MTHFD1L: variants seen among roughly 807,000 people sequenced by gnomAD.
MTHFD1L encodes monofunctional C1-tetrahydrofolate synthase, mitochondrial.
Under a neutral mutation model 119.5 loss-of-function variants are expected in MTHFD1L, and 81 were observed. The ratio of observed to expected loss-of-function variants is 0.68; its 90% CI spans 0.57 to 0.82. The LOEUF (loss-of-function observed/expected upper bound fraction) is 0.82. Among genes scored for constraint, MTHFD1L ranks in the 40% least tolerant of loss-of-function variants. The pLI, the probability that MTHFD1L is intolerant of heterozygous loss-of-function variation, is 0.00. For synonymous variants in MTHFD1L, 430 were observed against 475.2 expected, an observed-to-expected ratio of 0.90 and a Z score of 1.24; for missense variants, 1,125 against 1,253.4, an observed-to-expected ratio of 0.90 and a Z score of 1.55.
intron 7 of MTHFD1L, among the ~76,000 whole-genome samples, chr6:150,889,530 C>T (rs753739279): frequency 6.6e-6 from 1 of 152,196 alleles, no homozygotes; most frequent in Non-Finnish European, 1.5e-5. Context: ...ATATTTACAA[C>T]AAACATTTAG....
chr6:150,892,531 G>A (rs1053377181), intron 7 of MTHFD1L, among the ~76,000 whole-genome samples: 1 of 152,084 alleles, frequency 6.6e-6, no homozygotes, highest in African/African-American at 2.4e-5. Flanking sequence ...GCACCATTGC[G>A]AATGTTAGAG....
intron 4 of MTHFD1L, among the ~76,000 whole-genome samples, chr6:150,879,965 T>C (rs1304620205): frequency 6.6e-6 from 1 of 152,126 alleles, no homozygotes; most frequent in African/African-American, 2.4e-5. Flanking sequence ...TTTTCGTCGT[T>C]GTTGTTTATA....
At chr6:150,914,470 C>A (rs977363212) in intron 8 of MTHFD1L, among the ~76,000 whole-genome samples, 1 of 152,102 alleles carries the variant, frequency 6.6e-6, no homozygotes. Context: ...CCAGCTTGGG[C>A]AACATAGTGA....
At chr6:150,915,308 G>T (rs1180419112) in intron 8 of MTHFD1L, among the ~76,000 whole-genome samples, 2 of 151,482 alleles carry the variant, frequency 1.3e-5, no homozygotes, top group African/African-American at 4.9e-5. Context: ...TATTTTATGT[G>T]TGGCTATGGC....
chr6:150,922,746 C>T (rs1004269566), intron 10 of MTHFD1L, among the ~76,000 whole-genome samples: 8 of 150,168 alleles, frequency 5.3e-5, no homozygotes, highest in African/African-American at 1.5e-4. Flanking sequence ...CAGGTTCAAG[C>T]GATTCTCCTG....
At chr6:150,936,162 A>T (rs111512524) in intron 11 of MTHFD1L, among the ~76,000 whole-genome samples, 60 of 152,318 alleles carry the variant, frequency 3.9e-4, no homozygotes, top group African/African-American at 1.3e-3. Flanking sequence ...GAGCTAGGAC[A>T]CAACATGAAT....
At chr6:150,944,222 G>C (rs981380871) in intron 13 of MTHFD1L, among the ~76,000 whole-genome samples, 2 of 152,064 alleles carry the variant, frequency 1.3e-5, no homozygotes, top group East Asian at 3.8e-4. Context: ...TGTCTTAGCC[G>C]AGCACAGTGG....
chr6:151,047,356 G>A (rs1446453803), intron 26 of MTHFD1L, among the ~76,000 whole-genome samples: 1 of 152,152 alleles, frequency 6.6e-6, no homozygotes, highest in Non-Finnish European at 1.5e-5. Context: ...AATTCAGAAT[G>A]TTTAATTACA....
At chr6:150,877,449 C>G (rs1780635769) in intron 2 of MTHFD1L, among the ~76,000 whole-genome samples, 185 bp from the exon 3 acceptor site, 2 of 152,146 alleles carry the variant, frequency 1.3e-5, no homozygotes, top group Non-Finnish European at 2.9e-5. Context: ...ATTTGAAGGC[C>G]TGAGGAATTA....
intron 20 of MTHFD1L, among the ~76,000 whole-genome samples, chr6:150,989,578 T>G (rs1460574222): frequency 6.6e-6 from 1 of 152,204 alleles, no homozygotes; most frequent in African/African-American, 2.4e-5. Context: ...AATGTAAATA[T>G]GTAAATGTCA....
At chr6:150,954,850 A>G (rs925003055) in intron 16 of MTHFD1L, among the ~76,000 whole-genome samples, 1 of 151,246 alleles carries the variant, frequency 6.6e-6, no homozygotes, top group Non-Finnish European at 1.5e-5. Flanking sequence ...TTCCTAGGTG[A>G]CCCTCCCGCC....
At chr6:151,093,290 A>G (rs754297761) in intron 27 of MTHFD1L, among the ~76,000 whole-genome samples, 1 of 152,172 alleles carries the variant, frequency 6.6e-6, no homozygotes, top group Non-Finnish European at 1.5e-5. Flanking sequence ...GTGTCTTCAC[A>G]TGATGTTCAC....
At chr6:150,866,984 T>A (rs1252881805) in intron 1 of MTHFD1L, among the ~76,000 whole-genome samples, 1 of 152,114 alleles carries the variant, frequency 6.6e-6, no homozygotes, top group Non-Finnish European at 1.5e-5. Context: ...GCGGACCACC[T>A]CCTCCATTCA....
intron 26 of MTHFD1L, among the ~76,000 whole-genome samples, chr6:151,092,078 G>T (rs776440538): frequency 1.3e-5 from 2 of 152,068 alleles, no homozygotes; most frequent in Non-Finnish European, 2.9e-5. Flanking sequence ...ATGTGTCTTG[G>T]GGGTGAGAAG....
intron 20 of MTHFD1L, 87 bp from the exon 21 acceptor site, chr6:151,009,732 C>A: frequency 6.9e-7 from 1 of 1,439,984 alleles, no homozygotes; most frequent in Non-Finnish European, 9.7e-7. Flanking sequence ...GTAAGCTGTC[C>A]TTTGAGCTCG....
chr6:151,092,652 A>G lies in MTHFD1L; in HGVS notation c.*31+65A>G, dbSNP rs1177879464. ...TTCCAGTTCATATCCTTTTTTTGTC[A>G]TTTTTTTTTTCTGATACCACAGAAG... On this transcript the variant is annotated intron_variant, in intron 27 of 27. Coordinates refer to ENST00000367321, the MANE Select transcript of MTHFD1L (RefSeq NM_015440.5). 6 of 869,948 alleles carry G rather than the reference A, an allele frequency of 6.9e-6. No individual in the cohort carries two copies. The African/African-American group carries it at 1.1e-4, about 15-fold the overall frequency. 53.9% of individuals were successfully genotyped at this position (869,948 alleles called of 1,614,324 possible).
chr6:151,081,132 G>T lies in MTHFD1L; in HGVS notation c.2848-11335G>T, dbSNP rs938891600. 2.6e-5 allele frequency among the ~76,000 whole-genome samples: 4 copies of T among 152,208 alleles called. No homozygotes were observed. The South Asian group carries it at 8.3e-4, about 32-fold the overall frequency. On this transcript the variant is annotated intron_variant, in intron 26 of 27. Transcript: ENST00000367321. ...CCTGAGCATTCAGCTGGTATCTGGA[G>T]TGGATCACCTAAGAAACATTACAGA...
At chr6:151,000,106 G>A (rs150136077) in intron 20 of MTHFD1L, among the ~76,000 whole-genome samples, 14 of 152,258 alleles carry the variant, frequency 9.2e-5, no homozygotes, top group Non-Finnish European at 1.5e-4. Context: ...TTGGGAAGCC[G>A]AGGCAGGTGG....
At chr6:151,090,754 G>T (rs1794303290) in intron 26 of MTHFD1L, among the ~76,000 whole-genome samples, 1 of 152,270 alleles carries the variant, frequency 6.6e-6, no homozygotes, top group Non-Finnish European at 1.5e-5. Context: ...GCCAGGGCCT[G>T]TGGAGGTTCT....
Sources: gnomAD v4.1 joint callset for allele counts (sites outside exome capture counted in the v4.1 genomes callset) on GRCh38, gnomAD v4.1.1 for gene constraint, MANE v1.5 for transcripts, NCBI Gene and HGNC (gene_info 2026-07-23, HGNC 2026-07-21) for gene names.